The following PHTF2 variants were observed in gnomAD, a reference collection of about 807,000 sequenced individuals.
PHTF2 encodes the protein putative homeodomain transcription factor 2, also known as protein PHTF2.
A neutral mutation model predicts 101.2 loss-of-function variants in PHTF2; 60 were observed. That is an observed-to-expected ratio of 0.59 (90% CI 0.48 to 0.73). The LOEUF is 0.73. Ranked by LOEUF, PHTF2 falls within the 30% of genes least tolerant of loss-of-function variation. The probability of loss-of-function intolerance (pLI) is 0.00; values close to 1 mark genes in which losing one functional copy is unlikely to be tolerated. For missense variants in PHTF2, 747 were observed against 908.7 expected (o/e 0.82, Z 2.29); for synonymous variants, 311 against 307.3 (o/e 1.01, Z -0.13).
At chr7:77,946,902 C>T (rs896510248) in intron 16 of PHTF2, among the ~76,000 whole-genome samples, 3 of 151,336 alleles carry the variant, frequency 2.0e-5, no homozygotes, top group Admixed American at 6.6e-5. Flanking sequence ...TGGATGGATC[C>T]CTTGAGCCCA....
rs116765001 is a variant in PHTF2 at position 77,852,704 on chromosome 7, T to G, written c.46-2029T>G. ...AGTGTGTTTTGTACCTTCAGATGTTTCTTATTGCTTTTTAACCTCCTTTCA... is the reference window on the plus strand; with the variant it reads ...AGTGTGTTTTGTACCTTCAGATGTTGCTTATTGCTTTTTAACCTCCTTTCA... On this transcript the variant is annotated intron_variant, in intron 2 of 19. Coordinates refer to ENST00000416283, the Ensembl canonical transcript of PHTF2. Among the ~76,000 whole-genome samples, 855 of 152,318 alleles carry G rather than the reference T, an allele frequency of 5.6e-3. 8 individuals are homozygous for G. The highest frequency in any genetic ancestry group is 0.019 in the African/African-American group (810 of 41,564).
intron 3 of PHTF2, among the ~76,000 whole-genome samples, chr7:77,869,390 C>T (rs1385545413): frequency 9.2e-5 from 14 of 152,070 alleles, no homozygotes; most frequent in Admixed American, 2.6e-4. Flanking sequence ...GTTTTGCACC[C>T]ATTAACCAAA....
chr7:77,798,773 A>T (rs1792278068), upstream of PHTF2: 1 of 151,850 alleles, frequency 6.6e-6, no homozygotes, highest in African/African-American at 2.4e-5. Flanking sequence ...CCCTCCTCCC[A>T]TCCTCCCTGC....
rs144724923 is a variant in PHTF2 at position 77,856,502 on chromosome 7, C to T, written c.147+1668C>T. On this transcript the variant is annotated intron_variant, in intron 3 of 19. Transcript: ENST00000416283. ...TCCCAAGTAGCTGGGACTACAGGCA[C>T]GCACCACCACACCCAGATCATTTTT... 2.8e-3 allele frequency among the ~76,000 whole-genome samples: 433 copies of T among 152,086 alleles called. 1 individual carries two copies. The highest frequency in any genetic ancestry group is 9.1e-3 in the African/African-American group (377 of 41,476).
chr7:77,943,001 GATTA>G (rs1805754015), intron 16 of PHTF2, among the ~76,000 whole-genome samples: 3 of 152,182 alleles, frequency 2.0e-5, no homozygotes, highest in Non-Finnish European at 2.9e-5. Context: ...AATGAACACA[GATTA>G]ATTAATTTTT....
intron 3 of PHTF2, among the ~76,000 whole-genome samples, chr7:77,885,212 G>C (rs560429732): frequency 6.6e-6 from 1 of 152,194 alleles, no homozygotes; most frequent in African/African-American, 2.4e-5. Flanking sequence ...TTGCCCCTCA[G>C]CCTCCCAAGT....
At chr7:77,846,863 G>A (rs576506770) in intron 2 of PHTF2, among the ~76,000 whole-genome samples, 1 of 152,024 alleles carries the variant, frequency 6.6e-6, no homozygotes, top group Non-Finnish European at 1.5e-5. Flanking sequence ...AGTTGGTCTT[G>A]AACTCCTGGC....
chr7:77,910,740 C>T (rs568575329), intron 9 of PHTF2, among the ~76,000 whole-genome samples: 1 of 152,036 alleles, frequency 6.6e-6, no homozygotes, highest in African/African-American at 2.4e-5. Context: ...CTTCTGGGTT[C>T]AAGTGATTCT....
chr7:77,860,573 A>G (rs543117562), intron 3 of PHTF2, among the ~76,000 whole-genome samples: 1 of 152,232 alleles, frequency 6.6e-6, no homozygotes, highest in Non-Finnish European at 1.5e-5. Context: ...ATGACACAAC[A>G]TATATAAACA....
chr7:77,831,077 T>C (rs1490915814), intron 1 of PHTF2, among the ~76,000 whole-genome samples: 1 of 152,242 alleles, frequency 6.6e-6, no homozygotes, highest in Non-Finnish European at 1.5e-5. Flanking sequence ...ACTTAAATTA[T>C]GGGTTCATTG....
At chr7:77,885,837 G>A (rs1799795018) in intron 3 of PHTF2, among the ~76,000 whole-genome samples, 1 of 152,164 alleles carries the variant, frequency 6.6e-6, no homozygotes, top group African/African-American at 2.4e-5. Context: ...GTTGCATGGG[G>A]TTCATCTAGG....
chr7:77,834,748 T>C (rs1201447296), intron 1 of PHTF2, among the ~76,000 whole-genome samples: 1 of 152,228 alleles, frequency 6.6e-6, no homozygotes, highest in Non-Finnish European at 1.5e-5. Context: ...AACCCAATTA[T>C]CTTGATGCTT....
chr7:77,947,805 T>G (rs1424249181), intron 16 of PHTF2, among the ~76,000 whole-genome samples: 5 of 151,252 alleles, frequency 3.3e-5, no homozygotes, highest in South Asian at 2.1e-4. Context: ...ACCAGAAATA[T>G]GAAGATTTAT....
intron 18 of PHTF2, among the ~76,000 whole-genome samples, chr7:77,953,080 T>C (rs531173689): frequency 6.6e-6 from 1 of 152,332 alleles, no homozygotes; most frequent in Admixed American, 6.5e-5. Context: ...GAGCAACCTG[T>C]AGCAATTCAG....
At chr7:77,798,951 G>C (rs569063099) in exon 1 of PHTF2, 1 of 152,780 alleles carries the variant, frequency 6.5e-6, no homozygotes, top group South Asian at 2.1e-4. Flanking sequence ...GCCTCCTAGC[G>C]GCGCGGCGCT....
chr7:77,813,344 A>G lies in PHTF2; in HGVS notation c.-36+14373A>G, dbSNP rs1793595023. Among the ~76,000 whole-genome samples the G allele has an allele frequency of 3.3e-5, 5 of 152,238 alleles. No homozygotes were observed. The South Asian group carries it at 8.3e-4, about 25-fold the overall frequency. On this transcript the variant is annotated intron_variant, in intron 1 of 19. Coordinates refer to ENST00000416283, the Ensembl canonical transcript of PHTF2. ...ATAAAGTGTTCCAGGAGAAGAGAAC[A>G]TAATCAGCTGTGCTTTATACTACCC... is the stretch of plus-strand genomic sequence containing the variant.
intron 4 of PHTF2, 78 bp from the exon 4 acceptor site, chr7:77,893,904 T>C (rs2150802032): frequency 6.7e-6 from 7 of 1,041,892 alleles, no homozygotes; most frequent in South Asian, 4.1e-5. Flanking sequence ...TTTTGTCAGC[T>C]TTTTTCCCCT....
At position 77,844,820 on chromosome 7, in the gene PHTF2, C is replaced by T. The variant is rs138759858; in HGVS notation, c.45+4520C>T. 3.8e-3 allele frequency among the ~76,000 whole-genome samples: 580 copies of T among 152,318 alleles called. 4 individuals are homozygous for T. Among genetic ancestry groups the T allele is most frequent in the African/African-American group, 0.013 (549 of 41,570 alleles). On this transcript the variant is annotated intron_variant, in intron 2 of 19. Transcript: ENST00000416283. ...GATTACAGGCATGAGCCATTGCACC[C>T]GGCCTAAATAAATTATTCTATGCAT...
intron 2 of PHTF2, among the ~76,000 whole-genome samples, chr7:77,845,414 A>T (rs60747143): frequency 0.017 from 2,652 of 152,338 alleles, 87 homozygotes; most frequent in African/African-American, 0.061. Context: ...ACTGTATGAT[A>T]CAGATCTTGG....
Sources: gnomAD v4.1 joint callset for allele counts (sites outside exome capture counted in the v4.1 genomes callset) on GRCh38, gnomAD v4.1.1 for gene constraint, MANE v1.5 for transcripts, NCBI Gene and HGNC (gene_info 2026-07-23, HGNC 2026-07-21) for gene names.